CTPS2: variants seen among roughly 807,000 people sequenced by gnomAD.
CTPS2 encodes CTP synthase II.
In CTPS2, 19 loss-of-function variants were observed where a neutral mutation model predicts 46.8. That is an observed-to-expected ratio of 0.41 (90% CI 0.28 to 0.60). CTPS2 has a LOEUF of 0.60. Among genes scored for constraint, CTPS2 ranks in the 20% least tolerant of loss-of-function variants. CTPS2 has a pLI of 0.35. For synonymous variants in CTPS2, 151 were observed against 165.2 expected (o/e 0.91, Z 0.66); for missense variants, 286 against 447.6 (o/e 0.64, Z 3.26).
At chrX:16,592,103 G>A (rs1013400077) in intron 17 of CTPS2, among the ~76,000 whole-genome samples, 8 of 108,757 alleles carry the variant, frequency 7.4e-5, no homozygotes, top group African/African-American at 2.7e-4. Context: ...AATGGGGCTG[G>A]AGTGTGTGTG....
At chrX:16,591,191 T>A in intron 17 of CTPS2, 1 of 149,295 alleles carries the variant, frequency 6.7e-6, no homozygotes, top group East Asian at 1.7e-4. Context: ...ATAAAAGCCT[T>A]GAAAGTAGAT....
At chrX:16,700,809 G>A (rs1924497979) in intron 2 of CTPS2, among the ~76,000 whole-genome samples, 1 of 111,413 alleles carries the variant, frequency 9.0e-6, no homozygotes, top group South Asian at 3.7e-4. Context: ...CATGGTAGAG[G>A]GCAGAAGCAC....
intron 2 of CTPS2, among the ~76,000 whole-genome samples, chrX:16,701,079 G>A (rs1434462455): frequency 8.9e-6 from 1 of 111,776 alleles, no homozygotes; most frequent in African/African-American, 3.3e-5. Context: ...GCAGGGAAAT[G>A]TACTCCACAG....
chrX:16,699,434 T>C, intron 2 of CTPS2, among the ~76,000 whole-genome samples: 1 of 112,622 alleles, frequency 8.9e-6, no homozygotes, highest in South Asian at 3.6e-4. Context: ...TATCCTGGAC[T>C]CTGGAACTGC....
rs748113836 is a variant in CTPS2 at position 16,609,566 on chromosome X, G to C, written c.1666C>G (p.Gln556Glu). The change falls in exon 17 of 19, where the codon CAA becomes GAA. Residue 556 changes from glutamine (Q) to glutamate (E), a missense_variant. Transcript: ENST00000359276. ...AATGNLNAYL[Q>E]QGCKLSSSDR... ...CTGGAAGACAGTTTGCAACCCTGTT[G>C]CAAGTAGGCATTCAGGTTCCCAGTT... 1 of 1,211,451 alleles carries C rather than the reference G, an allele frequency of 8.3e-7. No individual in the cohort carries two copies. The highest frequency in any genetic ancestry group is 2.2e-5 in the Admixed American group (1 of 46,003).
At chrX:16,678,234 C>G in intron 10 of CTPS2, 128 bp downstream of exon 10, 1 of 519,054 alleles carries the variant, frequency 1.9e-6, no homozygotes, top group Non-Finnish European at 3.5e-6. Context: ...CAATCACCTG[C>G]AAAGACCACA....
chrX:16,608,961 G>A (rs1056789173), intron 17 of CTPS2, among the ~76,000 whole-genome samples: 154 of 111,399 alleles, frequency 1.4e-3, no homozygotes, highest in Non-Finnish European at 2.6e-3. Flanking sequence ...TTTCCATAAG[G>A]AAAGATGTTA....
chrX:16,657,189 C>CT (rs770294993), intron 13 of CTPS2, among the ~76,000 whole-genome samples: 19,422 of 84,576 alleles, frequency 0.23, 2,483 homozygotes, highest in Non-Finnish European at 0.27. Flanking sequence ...CATGCCCGGC[C>CT]TTTTTTTTTT....
At chrX:16,618,085 T>A (rs1285341614) in intron 15 of CTPS2, among the ~76,000 whole-genome samples, 1 of 111,097 alleles carries the variant, frequency 9.0e-6, no homozygotes, top group African/African-American at 3.3e-5. Context: ...TTTAACCTCA[T>A]CCCCCAACCC....
intron 14 of CTPS2, among the ~76,000 whole-genome samples, chrX:16,624,156 T>A (rs1380818222): frequency 9.0e-6 from 1 of 111,165 alleles, no homozygotes; most frequent in African/African-American, 3.3e-5. Flanking sequence ...AATTGTTGAA[T>A]GAAATCAACA....
At chrX:16,610,447 C>T (rs1038431201) in intron 16 of CTPS2, among the ~76,000 whole-genome samples, 1 of 111,106 alleles carries the variant, frequency 9.0e-6, no homozygotes, top group Non-Finnish European at 1.9e-5. Context: ...GCTACTACTA[C>T]AGTAATAAGG....
intron 1 of CTPS2, among the ~76,000 whole-genome samples, chrX:16,705,807 A>G (rs1924950794): frequency 9.0e-6 from 1 of 110,914 alleles, no homozygotes; most frequent in African/African-American, 3.3e-5. Flanking sequence ...TACAGCCTGC[A>G]AAGAAATAAA....
chrX:16,605,459 C>T (rs1208291601), intron 17 of CTPS2, among the ~76,000 whole-genome samples: 2 of 111,962 alleles, frequency 1.8e-5, no homozygotes, highest in African/African-American at 6.5e-5. Flanking sequence ...CGGTGGCTCA[C>T]ACCTGTAATC....
At chrX:16,680,244 G>C (rs773483073) in intron 9 of CTPS2, among the ~76,000 whole-genome samples, 1 of 111,655 alleles carries the variant, frequency 9.0e-6, no homozygotes, top group African/African-American at 3.2e-5. Context: ...ATCTATATTA[G>C]TTTAGTATTT....
At chrX:16,650,140 G>A (rs1315537288) in intron 13 of CTPS2, 2 of 112,063 alleles carry the variant, frequency 1.8e-5, no homozygotes, top group Non-Finnish European at 3.8e-5. Flanking sequence ...AAAGTGTCAT[G>A]ATTCTGCTCA....
intron 13 of CTPS2, among the ~76,000 whole-genome samples, chrX:16,652,972 T>C (rs1234403702): frequency 1.8e-5 from 2 of 111,606 alleles, no homozygotes; most frequent in Admixed American, 9.6e-5. Context: ...GTAGGAATCT[T>C]AGGGGTTAAA....
intron 13 of CTPS2, among the ~76,000 whole-genome samples, chrX:16,645,976 C>A (rs929489834): frequency 2.7e-5 from 3 of 112,715 alleles, no homozygotes; most frequent in Non-Finnish European, 5.6e-5. Context: ...TCCCAGCCAC[C>A]CTCCAGAACT....
At chrX:16,698,450 T>C (rs964214025) in intron 3 of CTPS2, 114 bp from the exon 4 acceptor site, 3 of 506,358 alleles carry the variant, frequency 5.9e-6, no homozygotes, top group Admixed American at 3.2e-5. Context: ...GACATATTTT[T>C]GGAAAATGAA....
Position 16,693,123 on chromosome X carries a change from C to T in CTPS2, c.639+18G>A, listed in dbSNP as rs771133715. 6.3e-6 allele frequency: 7 copies of T among 1,115,509 alleles called. No homozygotes were observed. The East Asian group carries it at 1.8e-4, about 29-fold the overall frequency. The allele number at this position is 1,115,509 out of a possible 1,213,427, so 91.9% of individuals were successfully genotyped here. ...CCAGAGACCTTCAGGATAGACTTAC[C>T]CACTGTCCTCAACTCACCAGATCTG... On this transcript the variant is annotated intron_variant, in intron 6 of 18. Coordinates refer to ENST00000359276, the MANE Select transcript of CTPS2 (RefSeq NM_175859.3).
Sources: gnomAD v4.1 joint callset for allele counts (sites outside exome capture counted in the v4.1 genomes callset) on GRCh38, gnomAD v4.1.1 for gene constraint, MANE v1.5 for transcripts, NCBI Gene and HGNC (gene_info 2026-07-23, HGNC 2026-07-21) for gene names.